The following SNX29 variants were observed in gnomAD, a reference collection of about 807,000 sequenced individuals.
SNX29 encodes sorting nexin-29.
In SNX29, 78 loss-of-function variants were observed where a neutral mutation model predicts 102.1. The observed-to-expected ratio is 0.76, with a 90% CI of 0.64 to 0.92. SNX29 has a LOEUF of 0.92. Among genes scored for constraint, SNX29 ranks in the 40% least tolerant of loss-of-function variants. SNX29 has a pLI of 0.00. For synonymous variants in SNX29, 580 were observed against 414.5 expected, an observed-to-expected ratio of 1.40 and a Z score of -4.85; for missense variants, 1,280 against 1,061.7, an observed-to-expected ratio of 1.21 and a Z score of -2.86.
chr16:12,524,850 T>G lies in SNX29; in HGVS notation c.2318+9T>G, dbSNP rs998279050. On this transcript the variant is annotated intron_variant, in intron 20 of 20. Transcript: ENST00000566228. ...CTGATGCCCTTCTTCGTGTAAGTAC[T>G]GCTCCCACGGACATGGGCCGCCAGC... 1 of 1,610,318 alleles carries G rather than the reference T, an allele frequency of 6.2e-7. No homozygotes were observed.
At chr16:12,113,391 T>G (rs552062550) in intron 11 of SNX29, among the ~76,000 whole-genome samples, 1 of 152,216 alleles carries the variant, frequency 6.6e-6, no homozygotes, top group Non-Finnish European at 1.5e-5. Context: ...ATGGCTCCTG[T>G]GTTCTGTCTA....
intron 20 of SNX29, among the ~76,000 whole-genome samples, chr16:12,542,873 C>A (rs2077406000): frequency 6.6e-6 from 1 of 151,912 alleles, no homozygotes; most frequent in African/African-American, 2.4e-5. Flanking sequence ...ATGTCTGAGT[C>A]TCTAGAGGTC....
chr16:12,182,725 T>A (rs1356522927), intron 13 of SNX29, among the ~76,000 whole-genome samples: 1 of 151,288 alleles, frequency 6.6e-6, no homozygotes, highest in Non-Finnish European at 1.5e-5. Flanking sequence ...AGGTCAGGAG[T>A]TCGAGACCAG....
At chr16:12,544,276 ACT>A (rs2077482824) in intron 20 of SNX29, among the ~76,000 whole-genome samples, 2 of 152,022 alleles carry the variant, frequency 1.3e-5, no homozygotes, top group Admixed American at 6.6e-5. Context: ...AGGACTTTAC[ACT>A]CTCAGTACGG....
intron 1 of SNX29, among the ~76,000 whole-genome samples, chr16:11,991,292 A>G (rs769928045): frequency 2.0e-5 from 3 of 152,198 alleles, no homozygotes; most frequent in South Asian, 2.1e-4. Context: ...CACTGCATAG[A>G]TAATTCAGTG....
Position 12,571,114 on chromosome 16 carries a change from A to G in SNX29, c.*2485A>G, listed in dbSNP as rs2079178444. The G allele has an allele frequency of 8.6e-6, 2 of 232,638 alleles. No homozygotes were observed. Among genetic ancestry groups the G allele is most frequent in the African/African-American group, 4.4e-5 (2 of 45,420 alleles). The allele number at this position is 232,638 out of a possible 1,614,324, so 14.4% of individuals were successfully genotyped here. A position where few individuals can be genotyped will look rare whatever the true frequency, so the allele number is the denominator to read the frequency against. ...CGAAGCCTTCCCTTTGGAATCCCAT[A>G]GAATGTTCTGCAATGATTGGGTCCA... On this transcript the variant is annotated 3_prime_UTR_variant, in exon 21 of 21. Coordinates refer to ENST00000566228, the MANE Select transcript of SNX29 (RefSeq NM_032167.5).
intron 20 of SNX29, among the ~76,000 whole-genome samples, chr16:12,551,587 A>G (rs1475392015): frequency 1.3e-5 from 2 of 152,222 alleles, no homozygotes; most frequent in Non-Finnish European, 2.9e-5. Context: ...AAAGGCTGGA[A>G]CAAATTCTGG....
At chr16:12,237,147 A>G (rs2077959896) in intron 14 of SNX29, among the ~76,000 whole-genome samples, 1 of 152,190 alleles carries the variant, frequency 6.6e-6, no homozygotes, top group Non-Finnish European at 1.5e-5. Context: ...CAGTCTCCAG[A>G]GTAGGCAGGT....
chr16:12,505,197 G>T (rs987319708), intron 19 of SNX29, among the ~76,000 whole-genome samples: 1 of 152,166 alleles, frequency 6.6e-6, no homozygotes, highest in Non-Finnish European at 1.5e-5. Context: ...ATTCCATCTA[G>T]GAGTGGAACT....
chr16:12,078,575 T>C (rs1008686843), intron 10 of SNX29, among the ~76,000 whole-genome samples: 1 of 152,230 alleles, frequency 6.6e-6, no homozygotes, highest in African/African-American at 2.4e-5. Context: ...AGTGAAATTA[T>C]TGGCCTCTGC....
At chr16:12,373,889 G>A (rs1179276314) in intron 16 of SNX29, 1 of 152,246 alleles carries the variant, frequency 6.6e-6, no homozygotes, top group South Asian at 2.1e-4. Context: ...CAAATATAAA[G>A]AGATATCATA....
chr16:12,078,716 C>T, intron 10 of SNX29, 117 bp from the exon 11 acceptor site: 1 of 832,778 alleles, frequency 1.2e-6, no homozygotes, highest in Non-Finnish European at 2.0e-6. Context: ...CCAATGACTG[C>T]CTCTATCCCT....
chr16:12,373,889 G>C (rs1179276314), intron 16 of SNX29: 1 of 152,246 alleles, frequency 6.6e-6, no homozygotes, highest in African/African-American at 2.4e-5. Flanking sequence ...CAAATATAAA[G>C]AGATATCATA....
At chr16:12,562,914 G>A (rs185659355) in intron 20 of SNX29, among the ~76,000 whole-genome samples, 15 of 152,174 alleles carry the variant, frequency 9.9e-5, no homozygotes, top group South Asian at 8.3e-4. Context: ...CTTGAGATTC[G>A]TCCATGTTGC....
chr16:12,353,212 T>C (rs1447514683), intron 15 of SNX29, among the ~76,000 whole-genome samples: 2 of 152,166 alleles, frequency 1.3e-5, no homozygotes, highest in Non-Finnish European at 1.5e-5. Flanking sequence ...AACTCTGTGG[T>C]GCTCTTGCTT....
chr16:12,075,444 C>G (rs9939776), intron 10 of SNX29, among the ~76,000 whole-genome samples: 19,037 of 152,242 alleles, frequency 0.13, 1,264 homozygotes, highest in South Asian at 0.28. Context: ...ACCCTGTTTG[C>G]ATGGGTATCA....
At chr16:12,561,990 A>C (rs936760303) in intron 20 of SNX29, among the ~76,000 whole-genome samples, 1 of 152,128 alleles carries the variant, frequency 6.6e-6, no homozygotes, top group Non-Finnish European at 1.5e-5. Context: ...CAGCTTGGTG[A>C]CAATGGACCC....
At chr16:12,561,499 A>AT (rs1167525822) in intron 20 of SNX29, among the ~76,000 whole-genome samples, 2 of 152,162 alleles carry the variant, frequency 1.3e-5, no homozygotes, top group Non-Finnish European at 2.9e-5. Flanking sequence ...CCAGACCCAG[A>AT]TCACAGGTGA....
chr16:12,519,270 C>G (rs1292308482), intron 19 of SNX29, among the ~76,000 whole-genome samples: 1 of 152,186 alleles, frequency 6.6e-6, no homozygotes, highest in Non-Finnish European at 1.5e-5. Context: ...AATGGTGGCA[C>G]CATGTCCCCC....
Sources: allele counts gnomAD v4.1 joint callset (sites outside exome capture counted in the v4.1 genomes callset), GRCh38; gene constraint gnomAD v4.1.1; transcripts MANE v1.5; gene names NCBI Gene and HGNC (gene_info 2026-07-23, HGNC 2026-07-21).